FBXO48: variants seen among roughly 807,000 people sequenced by gnomAD.
FBXO48 encodes F-box only protein 48.
FBXO48 carries 12 observed loss-of-function variants against 14.3 expected under a neutral mutation model. The ratio of observed to expected loss-of-function variants is 0.84; its 90% CI spans 0.54 to 1.36. The LOEUF is 1.36. Among genes scored for constraint, FBXO48 ranks in the 40% most tolerant of loss-of-function variants. The pLI is 0.00. For missense variants in FBXO48, 177 were observed against 179.1 expected (o/e 0.99, Z 0.07); for synonymous variants, 53 against 61.7 (o/e 0.86, Z 0.66).
At chr2:68,465,653 G>C (rs552048030) in intron 2 of FBXO48, among the ~76,000 whole-genome samples, 2 of 152,052 alleles carry the variant, frequency 1.3e-5, no homozygotes, top group South Asian at 2.1e-4. Context: ...CAGCCTCCCA[G>C]AGTGCTGGGA....
chr2:68,464,015 C>T lies in FBXO48; in HGVS notation c.*194G>A, dbSNP rs963153462. On this transcript the variant is annotated 3_prime_UTR_variant, in exon 4 of 4. Coordinates refer to ENST00000377957, the MANE Select transcript of FBXO48 (RefSeq NM_001024680.3). ...AAAATAACATTTCATGATTTTTCCA[C>T]ATTACAATAAAACCAGAAAAATTTT... 1 of 502,934 alleles carries T rather than the reference C, an allele frequency of 2.0e-6. No homozygotes were observed. Among genetic ancestry groups the T allele is most frequent in the South Asian group, 3.0e-5 (1 of 33,566 alleles). 31.2% of individuals were successfully genotyped at this position (502,934 alleles called of 1,614,324 possible).
rs989016710 is a variant in FBXO48 at position 68,466,236 on chromosome 2, G to A, written c.-126C>T. 7.2e-5 allele frequency: 11 copies of A among 152,202 alleles called. No individual in the cohort carries two copies. Among genetic ancestry groups the A allele is most frequent in the African/African-American group, 2.7e-4 (11 of 41,454 alleles). 9.4% of individuals were successfully genotyped at this position (152,202 alleles called of 1,614,324 possible). On this transcript the variant is annotated 5_prime_UTR_variant, in exon 2 of 4. Transcript: ENST00000377957. Reference sequence around the variant, plus strand: ...TTACTTTTGTATATAAAGACAGCTTGTATTCACTTAAAATCAGTTTATTCC... The same window carrying A: ...TTACTTTTGTATATAAAGACAGCTTATATTCACTTAAAATCAGTTTATTCC...
rs897033004 is a variant in FBXO48 at position 68,461,521 on chromosome 2, C to T, written c.*2688G>A. 6 of 149,610 alleles carry T rather than the reference C, an allele frequency of 4.0e-5. No homozygotes were observed. The highest frequency in any genetic ancestry group is 1.2e-4 in the African/African-American group (5 of 40,596). The allele number at this position is 149,610 out of a possible 1,614,324, so 9.3% of individuals were successfully genotyped here. A position where few individuals can be genotyped will look rare whatever the true frequency, so the allele number is the denominator to read the frequency against. The stretch of plus-strand genomic sequence containing the variant: ...CCTTGTTAGCCAGGATGGTCTCGAT[C>T]TCCTGACCTCATGATCCACCCGCCT... On this transcript the variant is annotated 3_prime_UTR_variant, in exon 4 of 4. Transcript: ENST00000377957.
In FBXO48 at chr2:68,461,836, A is replaced by AG. The variant is rs918512665; in HGVS notation, c.*2372dup. The AG allele has an allele frequency of 1.3e-5, 2 of 151,544 alleles. No individual in the cohort carries two copies. The highest frequency in any genetic ancestry group is 2.9e-5 in the Non-Finnish European group (2 of 67,840). 9.4% of individuals were successfully genotyped at this position (151,544 alleles called of 1,614,324 possible). ...AGGAGGCTGAGGCAGGTAGATCACA[A>AG]GGTCAGGAGGCCAAGATGGTGAAAC... On this transcript the variant is annotated 3_prime_UTR_variant, in exon 4 of 4. Coordinates refer to ENST00000377957, the MANE Select transcript of FBXO48 (RefSeq NM_001024680.3).
rs1675319487 is a variant in FBXO48, at chr2:68,463,519, C to G, written c.*690G>C. The G allele has an allele frequency of 6.6e-6, 1 of 151,536 alleles. No homozygotes were observed. The highest frequency in any genetic ancestry group is 1.5e-5 in the Non-Finnish European group (1 of 67,944). 9.4% of individuals were successfully genotyped at this position (151,536 alleles called of 1,614,324 possible). On this transcript the variant is annotated 3_prime_UTR_variant, in exon 4 of 4. Transcript: ENST00000377957. ...CTGTCAGAAAGAGAGTTTTACCAGG[C>G]TAGTGTGGCATTCTGATGGTAAAGT...
At chr2:68,466,940 C>A (rs952588823) in intron 1 of FBXO48, among the ~76,000 whole-genome samples, 8 of 152,182 alleles carry the variant, frequency 5.3e-5, no homozygotes, top group Admixed American at 3.9e-4. Flanking sequence ...GGCGGCAGCG[C>A]AGTCGGAGGG....
Position 68,463,903 on chromosome 2 carries a change from T to A in FBXO48, c.*306A>T, listed in dbSNP as rs1477595573. On this transcript the variant is annotated 3_prime_UTR_variant, in exon 4 of 4. Transcript: ENST00000377957. ...TCATTAAGCTGAACATACAAATCACTCTTACATTTAGTATTGCAAATATAT... is the reference window on the plus strand; with the variant it reads ...TCATTAAGCTGAACATACAAATCACACTTACATTTAGTATTGCAAATATAT... The A allele has an allele frequency of 4.5e-6, 1 of 219,918 alleles. No homozygotes were observed. Among genetic ancestry groups the A allele is most frequent in the African/African-American group, 2.3e-5 (1 of 43,618 alleles). 13.6% of individuals were successfully genotyped at this position (219,918 alleles called of 1,614,324 possible). A position where few individuals can be genotyped will look rare whatever the true frequency, so the allele number is the denominator to read the frequency against.
At position 68,464,117 on chromosome 2, in the gene FBXO48, A is replaced by C. The variant is rs1675333403; in HGVS notation, c.*92T>G. 9.1e-7 allele frequency: 1 copy of C among 1,104,126 alleles called. No homozygotes were observed. Among genetic ancestry groups the C allele is most frequent in the Admixed American group, 2.2e-5 (1 of 44,942 alleles). 68.4% of individuals were successfully genotyped at this position (1,104,126 alleles called of 1,614,324 possible). Reference sequence around the variant, plus strand: ...ATTTTCTTTTAAAAAGGTGAACAACAAAATGAACGAATAAAGATATCGCTT... The same window carrying C: ...ATTTTCTTTTAAAAAGGTGAACAACCAAATGAACGAATAAAGATATCGCTT... On this transcript the variant is annotated 3_prime_UTR_variant, in exon 4 of 4. Coordinates refer to ENST00000377957, the MANE Select transcript of FBXO48 (RefSeq NM_001024680.3).
At chr2:68,464,787 C>G (rs1037424906) in intron 3 of FBXO48, 53 bp downstream of exon 3, 1 of 1,370,628 alleles carries the variant, frequency 7.3e-7, no homozygotes, top group African/African-American at 1.4e-5. Context: ...TTGGCGCAAA[C>G]CTGCTATCAT....
intron 2 of FBXO48, among the ~76,000 whole-genome samples, chr2:68,465,737 C>T (rs1178558325): frequency 1.3e-5 from 2 of 152,080 alleles, no homozygotes; most frequent in Non-Finnish European, 1.5e-5. Flanking sequence ...TATTAAACTC[C>T]TGAATACTTG....
chr2:68,464,240 C>T lies in FBXO48; in HGVS notation c.437G>A (p.Gly146Glu), dbSNP rs2103853307. 2 of 1,613,680 alleles carry T rather than the reference C, an allele frequency of 1.2e-6. No individual in the cohort carries two copies. The highest frequency in any genetic ancestry group is 1.7e-5 in the Admixed American group (1 of 60,008). The change falls in exon 4 of 4, where the codon GGG becomes GAG. Residue 146 changes from glycine (G) to glutamate (E), a missense_variant. Coordinates refer to ENST00000377957, the MANE Select transcript of FBXO48 (RefSeq NM_001024680.3). ...IMYPMDADTW[G>E]EILEAELER ...TTCCAGTTCTGCTTCTAGAATTTCC[C>T]CCCATGTATCTGCATCCATTGGGTA... is the stretch of plus-strand genomic sequence containing the variant.
chr2:68,464,741 A>G (rs1428125647), intron 3 of FBXO48, 99 bp downstream of exon 3: 2 of 832,328 alleles, frequency 2.4e-6, no homozygotes, highest in East Asian at 2.4e-5. Context: ...GTTATTCTGC[A>G]TATGTAATTC....
At chr2:68,465,566 T>C (rs945094052) in intron 2 of FBXO48, among the ~76,000 whole-genome samples, 1 of 149,188 alleles carries the variant, frequency 6.7e-6, no homozygotes, top group Non-Finnish European at 1.5e-5. Context: ...AACCAAAAAC[T>C]GTTTTACGGA....
Position 68,459,789 on chromosome 2 carries a change from T to A in FBXO48, c.*4420A>T, listed in dbSNP as rs889641782. The A allele has an allele frequency of 6.6e-6, 1 of 152,074 alleles. No homozygotes were observed. The highest frequency in any genetic ancestry group is 6.5e-5 in the Admixed American group (1 of 15,270). 9.4% of individuals were successfully genotyped at this position (152,074 alleles called of 1,614,324 possible). On this transcript the variant is annotated 3_prime_UTR_variant, in exon 4 of 4. Transcript: ENST00000377957. ...TAAAGGGGCAAACACACAAATAAAA[T>A]AGACAATTTAATGTCATATGACAGT...
chr2:68,466,515 G>A (rs1675418678), intron 1 of FBXO48, 45 bp from the exon 2 acceptor site: 1 of 152,184 alleles, frequency 6.6e-6, no homozygotes, highest in Non-Finnish European at 1.5e-5. Flanking sequence ...GTAAAAACGG[G>A]TGAGTCAAGA....
Position 68,464,919 on chromosome 2 carries a change from C to G in FBXO48, c.227G>C (p.Trp76Ser), listed in dbSNP as rs1675362420. 1 of 1,613,894 alleles carries G rather than the reference C, an allele frequency of 6.2e-7. No homozygotes were observed. The highest frequency in any genetic ancestry group is 8.5e-7 in the Non-Finnish European group (1 of 1,179,990). ...NDTIRNSDSL[W>S]KPHCMTVRAV... ...TCTTACAGTCATGCAGTGAGGTTTC[C>G]ATAAAGAGTCACTGTTTCTTATTGT... is the stretch of plus-strand genomic sequence containing the variant. Residue 76 changes from tryptophan (W) to serine (S), a missense_variant, in exon 3 of 4, where the codon TGG becomes TCG. Transcript: ENST00000377957.
rs1675282764 is a variant in FBXO48, at chr2:68,462,246, T to G, written c.*1963A>C. ...AAAAATATATGTGTACATTTACTATTGTACACAGATGCTATTCAGCAAAAT... is the reference window on the plus strand; with the variant it reads ...AAAAATATATGTGTACATTTACTATGGTACACAGATGCTATTCAGCAAAAT... On this transcript the variant is annotated 3_prime_UTR_variant, in exon 4 of 4. Transcript: ENST00000377957. 6.6e-6 allele frequency: 1 copy of G among 152,246 alleles called. No individual in the cohort carries two copies. Among genetic ancestry groups the G allele is most frequent in the Non-Finnish European group, 1.5e-5 (1 of 68,046 alleles). 9.4% of individuals were successfully genotyped at this position (152,246 alleles called of 1,614,324 possible).
chr2:68,462,315 GCT>G lies in FBXO48; in HGVS notation c.*1892_*1893del, dbSNP rs1675285005. On this transcript the variant is annotated 3_prime_UTR_variant, in exon 4 of 4. Transcript: ENST00000377957. ...TCCCATACTTTGAAAATTTCCAAGT[GCT>G]TTCTTATCTTTTATGAAATAAAATT... 6.6e-6 allele frequency: 1 copy of G among 152,072 alleles called. No homozygotes were observed. The highest frequency in any genetic ancestry group is 2.4e-5 in the African/African-American group (1 of 41,402). 9.4% of individuals were successfully genotyped at this position (152,072 alleles called of 1,614,324 possible).
chr2:68,466,629 G>T (rs1247721748), intron 1 of FBXO48, among the ~76,000 whole-genome samples, 159 bp from the exon 2 acceptor site: 2 of 152,110 alleles, frequency 1.3e-5, no homozygotes, highest in African/African-American at 4.8e-5. Flanking sequence ...ACGTTACAGT[G>T]CATTTAAACG....
Sources: allele counts gnomAD v4.1 joint callset (sites outside exome capture counted in the v4.1 genomes callset), GRCh38; gene constraint gnomAD v4.1.1; transcripts MANE v1.5; gene names NCBI Gene and HGNC (gene_info 2026-07-23, HGNC 2026-07-21).